Variants in KLHL31 observed in about 807,000 individuals in gnomAD.
The protein encoded by KLHL31 is kelch-like protein 31.
In KLHL31, 32 loss-of-function variants were observed where a neutral mutation model predicts 47.1. The observed-to-expected ratio is 0.68, with a 90% CI of 0.51 to 0.91. The LOEUF (loss-of-function observed/expected upper bound fraction) is 0.91, where lower values mean the gene tolerates loss of function less well. KLHL31 is among the 40% of genes least tolerant of loss of function. The pLI is 0.00. For missense variants in KLHL31, 797 were observed against 819.3 expected (o/e 0.97, Z 0.33); for synonymous variants, 330 against 325.1 (o/e 1.01, Z -0.16).
At chr6:53,663,808 A>C (rs1241548841) in intron 1 of KLHL31, among the ~76,000 whole-genome samples, 1 of 151,990 alleles carries the variant, frequency 6.6e-6, no homozygotes, top group African/African-American at 2.4e-5. Context: ...GAGTTTTAAG[A>C]CTGATGCCTT....
chr6:53,651,812 T>C lies in KLHL31; in HGVS notation c.1691A>G (p.His564Arg). The change falls in exon 3 of 3, where the codon CAT becomes CGT. Residue 564 changes from histidine to arginine, a missense_variant. Physicochemically the swap from His to Arg is conservative, Grantham distance 29. Coordinates refer to ENST00000370905, the MANE Select transcript of KLHL31 (RefSeq NM_001003760.5). Reference sequence around the variant, plus strand: ...GCCCCCCACCAGGTAGGCGCGGCCATGCAGCGCCGAGACGCCCGCAGTGCT... The same window carrying C: ...GCCCCCCACCAGGTAGGCGCGGCCACGCAGCGCCGAGACGCCCGCAGTGCT... ...GVSTAGVSALHGRAYLVGGWN... is the reference protein window; with the variant it reads ...GVSTAGVSALRGRAYLVGGWN... The C allele has an allele frequency of 1.9e-6, 3 of 1,611,822 alleles. No individual in the cohort carries two copies. Among genetic ancestry groups the C allele is most frequent in the Non-Finnish European group, 2.5e-6 (3 of 1,179,652 alleles).
rs983110943 is a variant in KLHL31 at position 53,650,150 on chromosome 6, T to C, written c.*1448A>G. 6.6e-5 allele frequency: 10 copies of C among 152,192 alleles called. No homozygotes were observed. Among genetic ancestry groups the C allele is most frequent in the African/African-American group, 2.4e-4 (10 of 41,448 alleles). 9.4% of individuals were successfully genotyped at this position (152,192 alleles called of 1,614,324 possible). A position where few individuals can be genotyped will look rare whatever the true frequency, so the allele number is the denominator to read the frequency against. ...TATTTCCATATATCTCATGTTCAAT[T>C]CCTAAATAGCTTGTTTTATTTTTCA... On this transcript the variant is annotated 3_prime_UTR_variant, in exon 3 of 3. Coordinates refer to ENST00000370905, the MANE Select transcript of KLHL31 (RefSeq NM_001003760.5).
At position 53,655,178 on chromosome 6, in the gene KLHL31, G is replaced by A. The variant is rs776742115; in HGVS notation, c.95C>T (p.Ala32Val). 8.1e-6 allele frequency: 13 copies of A among 1,613,978 alleles called. No homozygotes were observed. In the South Asian group the frequency reaches 8.8e-5, roughly 11 times the overall value. ...VEDSPLNKLNALNGLLEGGNG... is the reference protein window; with the variant it reads ...VEDSPLNKLNVLNGLLEGGNG... ...GCCTCCCTCTAGGAGCCCATTCAAA[G>A]CATTCAGTTTGTTTAGGGGGCTATC... Residue 32 changes from alanine to valine, a missense_variant, in exon 2 of 3, where the codon GCT (alanine) becomes GTT (valine). Coordinates refer to ENST00000370905, the MANE Select transcript of KLHL31 (RefSeq NM_001003760.5).
intron 1 of KLHL31, among the ~76,000 whole-genome samples, chr6:53,663,374 T>C (rs1044121631): frequency 3.9e-5 from 6 of 152,196 alleles, no homozygotes; most frequent in Non-Finnish European, 5.9e-5. Context: ...ATAAATTTGT[T>C]TGGGGACACA....
rs760171709 is a variant in KLHL31, at chr6:53,652,037, G to A, written c.1466C>T (p.Ala489Val). ...CGGCAGCTCCTGCCACGAGTCGCTG[G>A]CCGGGTCGTAGGCGCACACAGAGCG... ...YSRSVCAYDP[A>V]SDSWQELPNL... is the part of the protein sequence containing the mutation. Residue 489 changes from alanine (A) to valine (V), a missense_variant, in exon 3 of 3, where the codon GCC becomes GTC. Ala to Val is a moderately conservative substitution (Grantham distance 64, BLOSUM62 0). Coordinates refer to ENST00000370905, the MANE Select transcript of KLHL31 (RefSeq NM_001003760.5). 4 of 1,592,912 alleles carry A rather than the reference G, an allele frequency of 2.5e-6. No individual in the cohort carries two copies. In the Admixed American group the frequency reaches 5.1e-5, roughly 20 times the overall value.
Position 53,655,068 on chromosome 6 carries a change from C to G in KLHL31, c.205G>C (p.Glu69Gln). Residue 69 changes from glutamate to glutamine, a missense_variant, in exon 2 of 3, where the codon GAG becomes CAG. Transcript: ENST00000370905. ...ATGACTAAGTCACATAGGAAGTTCTCCTGCCGCATTTTACTTAAACCTTCC... is the reference window on the plus strand; with the variant it reads ...ATGACTAAGTCACATAGGAAGTTCTGCTGCCGCATTTTACTTAAACCTTCC... The part of the protein sequence containing the change: ...LLEGLSKMRQ[E>Q]NFLCDLVIGT... 4.3e-6 allele frequency: 7 copies of G among 1,613,944 alleles called. No homozygotes were observed. Among genetic ancestry groups the G allele is most frequent in the Non-Finnish European group, 5.9e-6 (7 of 1,179,960 alleles).
rs1764445940 is a variant in KLHL31, at chr6:53,650,289, C to T, written c.*1309G>A. ...AAAGGAAAATATGTATCATTTACTA[C>T]AGTCATTCCCTTTCCCCAAAACTTG... On this transcript the variant is annotated 3_prime_UTR_variant, in exon 3 of 3. Coordinates refer to ENST00000370905, the MANE Select transcript of KLHL31 (RefSeq NM_001003760.5). 6.6e-6 allele frequency: 1 copy of T among 152,158 alleles called. No individual in the cohort carries two copies. The highest frequency in any genetic ancestry group is 1.5e-5 in the Non-Finnish European group (1 of 68,022). 9.4% of individuals were successfully genotyped at this position (152,158 alleles called of 1,614,324 possible).
In KLHL31 at chr6:53,652,316, A is replaced by C; in HGVS notation, c.1187T>G (p.Phe396Cys). 6.2e-7 allele frequency: 1 copy of C among 1,614,002 alleles called. No individual in the cohort carries two copies. Among genetic ancestry groups the C allele is most frequent in the Non-Finnish European group, 8.5e-7 (1 of 1,180,026 alleles). Residue 396 changes from phenylalanine to cysteine, a missense_variant, in exon 3 of 3, where the codon TTC becomes TGC. Physicochemically the swap from Phe to Cys is radical, Grantham distance 205. Transcript: ENST00000370905. Reference protein sequence around the residue: ...VSNFCRYDPRFNTWIHLASMN... With the variant: ...VSNFCRYDPRCNTWIHLASMN... ...GCTGGCCAGGTGTATCCAGGTGTTG[A>C]AGCGGGGATCGTATCTGGAAATGAT...
Position 53,654,883 on chromosome 6 carries a change from A to C in KLHL31, c.390T>G (p.Thr130=), listed in dbSNP as rs1581788365. 6.2e-7 allele frequency: 1 copy of C among 1,614,188 alleles called. No homozygotes were observed. Among genetic ancestry groups the C allele is most frequent in the East Asian group, 2.2e-5 (1 of 44,882 alleles). Residue 130 remains threonine, a synonymous_variant, in exon 2 of 3, where the codon ACT becomes ACG. Transcript: ENST00000370905. ...TATACAAGGAGAGAGTGAGCTTTCC[A>C]GTGTAGGCATATGCAATGACAGTGG... ...GLATVIAYAY[T]GKLTLSLYTI...
Position 53,650,470 on chromosome 6 carries a change from G to T in KLHL31, c.*1128C>A, listed in dbSNP as rs1479501105. 2.0e-5 allele frequency: 3 copies of T among 152,146 alleles called. No homozygotes were observed. The highest frequency in any genetic ancestry group is 7.2e-5 in the African/African-American group (3 of 41,430). 9.4% of individuals were successfully genotyped at this position (152,146 alleles called of 1,614,324 possible). On this transcript the variant is annotated 3_prime_UTR_variant, in exon 3 of 3. Transcript: ENST00000370905. ...TTGATTTTTACTTAAGAAATCAGGAGGATCCATATTAAATGGGAAACAATG... is the reference window on the plus strand; with the variant it reads ...TTGATTTTTACTTAAGAAATCAGGATGATCCATATTAAATGGGAAACAATG...
At chr6:53,663,453 C>A (rs1764676019) in intron 1 of KLHL31, among the ~76,000 whole-genome samples, 1 of 152,066 alleles carries the variant, frequency 6.6e-6, no homozygotes, top group African/African-American at 2.4e-5. Context: ...GTTAGGTAAG[C>A]CAAATAAATA....
chr6:53,657,654 G>GT (rs1554165231), intron 1 of KLHL31, among the ~76,000 whole-genome samples: 2 of 140,070 alleles, frequency 1.4e-5, no homozygotes, highest in Non-Finnish European at 3.0e-5. Flanking sequence ...GTGTGTGTGT[G>GT]TTTTAAATCC....
Position 53,655,013 on chromosome 6 carries a change from T to C in KLHL31, c.260A>G (p.His87Arg), listed in dbSNP as rs1469182699. 2.5e-6 allele frequency: 4 copies of C among 1,614,112 alleles called. No homozygotes were observed. Among genetic ancestry groups the C allele is most frequent in the Admixed American group, 1.7e-5 (1 of 60,006 alleles). Residue 87 changes from histidine to arginine, a missense_variant, in exon 2 of 3, where the codon CAT becomes CGT. Physicochemically the swap from His to Arg is conservative, Grantham distance 29 (BLOSUM62 0). Transcript: ENST00000370905. ...ACTGCATGAAGCCATGACTGACTTA[T>C]GAACATCAAAGGATTTGGTTTTGGT... Reference protein sequence around the residue: ...IGTKTKSFDVHKSVMASCSEY... With the variant: ...IGTKTKSFDVRKSVMASCSEY...
rs16884168 is a variant in KLHL31, at chr6:53,662,317, G to A, written c.-34+3284C>T. ...GGAAGAACTTTACAAGCTTCCGCCA[G>A]GACTGTTGGTGGCTTGCACTTTTCA... On this transcript the variant is annotated intron_variant, in intron 1 of 2. Coordinates refer to ENST00000370905, the MANE Select transcript of KLHL31 (RefSeq NM_001003760.5). 7.4e-3 allele frequency among the ~76,000 whole-genome samples: 1,124 copies of A among 152,298 alleles called. 16 individuals are homozygous for A. The highest frequency in any genetic ancestry group is 0.026 in the African/African-American group (1,069 of 41,564).
intron 2 of KLHL31, among the ~76,000 whole-genome samples, chr6:53,652,586 TG>T (rs1764493573): frequency 6.6e-6 from 1 of 152,178 alleles, no homozygotes; most frequent in South Asian, 2.1e-4. Context: ...ACTCCCTTTA[TG>T]GGGCCACTTG....
chr6:53,658,039 T>A (rs568357560), intron 1 of KLHL31, among the ~76,000 whole-genome samples: 6 of 152,334 alleles, frequency 3.9e-5, no homozygotes, highest in Middle Eastern at 6.8e-3. Flanking sequence ...ATGTGTTGAG[T>A]GTCTCTTTGT....
chr6:53,656,041 A>T (rs894236320), intron 1 of KLHL31, among the ~76,000 whole-genome samples: 16 of 152,346 alleles, frequency 1.1e-4, no homozygotes, highest in African/African-American at 3.6e-4. Flanking sequence ...TCAGGAATAC[A>T]TGTGAAATGT....
At chr6:53,662,191 T>G (rs1386074995) in intron 1 of KLHL31, among the ~76,000 whole-genome samples, 1 of 152,120 alleles carries the variant, frequency 6.6e-6, no homozygotes, top group East Asian at 1.9e-4. Flanking sequence ...GCTAGGAGAG[T>G]GTGAAGGCCA....
Position 53,654,521 on chromosome 6 carries a change from G to A in KLHL31, c.752C>T (p.Ala251Val). The A allele has an allele frequency of 6.2e-7, 1 of 1,614,202 alleles. No homozygotes were observed. Among genetic ancestry groups the A allele is most frequent in the Non-Finnish European group, 8.5e-7 (1 of 1,180,032 alleles). Residue 251 changes from alanine to valine, a missense_variant, in exon 2 of 3, where the codon GCT becomes GTT. Coordinates refer to ENST00000370905, the MANE Select transcript of KLHL31 (RefSeq NM_001003760.5). ...GCGAATATTGCTCAAAAGATCTGCA[G>A]CGTATTTTACTCTCTTTTGGTCAAA... The part of the protein sequence containing the change: ...LEFDQKRVKY[A>V]ADLLSNIRFG...
Sources: allele counts gnomAD v4.1 joint callset (sites outside exome capture counted in the v4.1 genomes callset), GRCh38; gene constraint gnomAD v4.1.1; transcripts MANE v1.5; gene names NCBI Gene and HGNC (gene_info 2026-07-23, HGNC 2026-07-21).